NTN1: variants seen among roughly 807,000 people sequenced by gnomAD.
NTN1 encodes netrin-1.
NTN1 carries 11 observed loss-of-function variants against 54.2 expected under a neutral mutation model. The observed-to-expected ratio is 0.20, with a 90% CI of 0.13 to 0.34. The LOEUF is 0.34. Ranked by LOEUF, NTN1 falls within the 10% of genes least tolerant of loss-of-function variation. The pLI is 1.00. For synonymous variants in NTN1, 371 were observed against 382.0 expected (o/e 0.97, Z 0.33); for missense variants, 740 against 893.1 (o/e 0.83, Z 2.18).
At chr17:9,192,453 GTTTC>G (rs1480079668) in intron 5 of NTN1, among the ~76,000 whole-genome samples, 1 of 152,168 alleles carries the variant, frequency 6.6e-6, no homozygotes, top group African/African-American at 2.4e-5. Flanking sequence ...ATTTCGCTTA[GTTTC>G]TTTCTGTTTG....
intron 2 of NTN1, among the ~76,000 whole-genome samples, chr17:9,072,287 G>T (rs2092034653): frequency 6.6e-6 from 1 of 151,108 alleles, no homozygotes. Context: ...CACACCCGTG[G>T]ACTGTCTGCC....
At chr17:9,042,358 C>T (rs928008928) in intron 2 of NTN1, among the ~76,000 whole-genome samples, 5 of 151,480 alleles carry the variant, frequency 3.3e-5, no homozygotes, top group Non-Finnish European at 7.4e-5. Flanking sequence ...GATGGCGCGC[C>T]TCTCTAGTCT....
rs55765967 is a variant in NTN1, at chr17:9,163,477, AACACAC to A, written c.1207+515_1207+520del. On this transcript the variant is annotated intron_variant, in intron 3 of 6. Coordinates refer to ENST00000173229, the MANE Select transcript of NTN1 (RefSeq NM_004822.3). ...CGCACCGCCCCTCACTCCCCCCCGA[AACACAC>A]ACACACACACACACACACACACACA... 3.9e-3 allele frequency among the ~76,000 whole-genome samples: 551 copies of A among 142,750 alleles called. 5 individuals are homozygous for A. The highest frequency in any genetic ancestry group is 0.011 in the African/African-American group (402 of 38,134). 93.6% of individuals were successfully genotyped at this position (142,750 alleles called of 152,430 possible).
At position 9,155,624 on chromosome 17, in the gene NTN1, A is replaced by G. The variant is rs113514292; in HGVS notation, c.1019-7189A>G. On this transcript the variant is annotated intron_variant, in intron 2 of 6. Transcript: ENST00000173229. ...CCAAAGTGCTGGGATTACAGGCGTGAGCCACTGCGCCTGGCGCTCCTGGAG... is the reference window on the plus strand; with the variant it reads ...CCAAAGTGCTGGGATTACAGGCGTGGGCCACTGCGCCTGGCGCTCCTGGAG... Among the ~76,000 whole-genome samples, 958 of 151,710 alleles carry G rather than the reference A, an allele frequency of 6.3e-3. 13 individuals carry two copies. The highest frequency in any genetic ancestry group is 0.022 in the African/African-American group (909 of 41,338).
At chr17:9,005,949 A>G in the NTN1 span, among the ~76,000 whole-genome samples, 14 of 152,326 alleles carry the variant, frequency 9.2e-5, no homozygotes, top group Admixed American at 7.2e-4. Context: ...ATGTGCCCAG[A>G]GGCCCCCCTT....
intron 2 of NTN1, among the ~76,000 whole-genome samples, chr17:9,126,079 G>A (rs763196666): frequency 2.0e-5 from 3 of 152,260 alleles, no homozygotes; most frequent in Non-Finnish European, 2.9e-5. Context: ...CTGAATGAAC[G>A]ACGCATGGGG....
At chr17:9,072,756 C>A (rs565608607) in intron 2 of NTN1, among the ~76,000 whole-genome samples, 4 of 152,318 alleles carry the variant, frequency 2.6e-5, no homozygotes, top group Non-Finnish European at 5.9e-5. Context: ...AGTTGATTAA[C>A]CTGTAGAAAG....
chr17:9,091,916 A>G (rs1324494641), intron 2 of NTN1, among the ~76,000 whole-genome samples: 2 of 152,054 alleles, frequency 1.3e-5, no homozygotes, highest in East Asian at 1.9e-4. Flanking sequence ...CTTTGTCTCT[A>G]GGAATCTGAC....
the NTN1 span, among the ~76,000 whole-genome samples, chr17:9,013,204 TTTTTTC>T: frequency 2.3e-5 from 3 of 132,762 alleles, no homozygotes; most frequent in African/African-American, 8.7e-5. Context: ...TCTTTTTTTC[TTTTTTC>T]TTTTTCTTTT....
chr17:9,028,004 A>C (rs2151508543), intron 2 of NTN1, among the ~76,000 whole-genome samples: 1 of 151,940 alleles, frequency 6.6e-6, no homozygotes, highest in African/African-American at 2.4e-5. Flanking sequence ...GGGTGCCGGT[A>C]ATCCTAGCTA....
chr17:9,036,719 T>C (rs12600704), intron 2 of NTN1, among the ~76,000 whole-genome samples: 65,876 of 151,854 alleles, frequency 0.43, 14,857 homozygotes, highest in East Asian at 0.71. Flanking sequence ...ATTCTGTAGG[T>C]CTAGTGGAAT....
chr17:9,172,279 C>CCT (rs1384124496), intron 3 of NTN1, among the ~76,000 whole-genome samples: 1 of 151,764 alleles, frequency 6.6e-6, no homozygotes, highest in Admixed American at 6.5e-5. Context: ...GGGCAGATCA[C>CCT]GAGGTCAGGA....
At chr17:9,202,729 T>C (rs1452171978) in intron 5 of NTN1, among the ~76,000 whole-genome samples, 3 of 152,206 alleles carry the variant, frequency 2.0e-5, no homozygotes, top group African/African-American at 7.2e-5. Flanking sequence ...TTTTGCCTTA[T>C]TAAGCAATGC....
At chr17:9,038,589 A>G (rs781632957) in intron 2 of NTN1, among the ~76,000 whole-genome samples, 4 of 152,024 alleles carry the variant, frequency 2.6e-5, no homozygotes, top group Non-Finnish European at 4.4e-5. Context: ...CTAAATCCTA[A>G]GCTCAAGGCA....
intron 2 of NTN1, among the ~76,000 whole-genome samples, chr17:9,088,894 G>A (rs1295798386): frequency 1.3e-5 from 2 of 152,060 alleles, no homozygotes; most frequent in Non-Finnish European, 2.9e-5. Context: ...CGAAACCCTC[G>A]CACCTGTTCA....
rs71135941 is a variant in NTN1 at position 9,094,988 on chromosome 17, CAAAAAAAAAAAAAA to C, written c.1019-67814_1019-67801del. Among the ~76,000 whole-genome samples the C allele has an allele frequency of 5.0e-5, 5 of 99,920 alleles. No individual in the cohort carries two copies. In the East Asian group the frequency reaches 1.4e-3, roughly 27 times the overall value. 65.6% of individuals were successfully genotyped at this position (99,920 alleles called of 152,430 possible). ...TGCGCAACAGAGCGAGACTCCGTCT[CAAAAAAAAAAAAAA>C]AAAAAAAAAAGAAACAGCATGTTAA... On this transcript the variant is annotated intron_variant, in intron 2 of 6. Coordinates refer to ENST00000173229, the MANE Select transcript of NTN1 (RefSeq NM_004822.3).
At chr17:9,021,440 C>G (rs1395515049), upstream of NTN1, 1 of 151,402 alleles carries the variant, frequency 6.6e-6, no homozygotes, top group Non-Finnish European at 1.5e-5. Flanking sequence ...GGCGGCAGCT[C>G]GCGGACGTTA....
chr17:9,203,633 T>C (rs761420121), intron 5 of NTN1, among the ~76,000 whole-genome samples: 1 of 151,858 alleles, frequency 6.6e-6, no homozygotes, highest in Non-Finnish European at 1.5e-5. Context: ...ACCCTGTTTC[T>C]ACTAAAAAAT....
intron 5 of NTN1, among the ~76,000 whole-genome samples, chr17:9,194,497 G>A (rs1247659501): frequency 2.0e-5 from 3 of 152,240 alleles, no homozygotes; most frequent in African/African-American, 7.2e-5. Flanking sequence ...TATTTCAGGT[G>A]TTTAAACCGT....
Sources: allele counts gnomAD v4.1 joint callset (sites outside exome capture counted in the v4.1 genomes callset), GRCh38; gene constraint gnomAD v4.1.1; transcripts MANE v1.5; gene names NCBI Gene and HGNC (gene_info 2026-07-23, HGNC 2026-07-21).